Variants in C1QTNF3 observed in about 807,000 individuals in gnomAD.
C1QTNF3 encodes complement C1q tumor necrosis factor-related protein 3.
C1QTNF3 carries 26 observed loss-of-function variants against 32.6 expected under a neutral mutation model. The ratio of observed to expected loss-of-function variants is 0.80; its 90% CI spans 0.58 to 1.11. C1QTNF3 has a LOEUF of 1.11. C1QTNF3 is among the 50% of genes least tolerant of loss of function. C1QTNF3 has a pLI of 0.00. For synonymous variants in C1QTNF3, 155 were observed against 146.0 expected (o/e 1.06, Z -0.44); for missense variants, 362 against 398.2 (o/e 0.91, Z 0.77).
At chr5:34,163,079 A>G in the C1QTNF3 span, among the ~76,000 whole-genome samples, 2 of 152,140 alleles carry the variant, frequency 1.3e-5, no homozygotes, top group African/African-American at 2.4e-5. Flanking sequence ...AAAAAATATA[A>G]CTTCTGTACA....
At chr5:34,227,663 G>A in the C1QTNF3 span, among the ~76,000 whole-genome samples, 1 of 151,846 alleles carries the variant, frequency 6.6e-6, no homozygotes, top group Non-Finnish European at 1.5e-5. Flanking sequence ...ATTTAAGAGA[G>A]GATTCAACTC....
At chr5:34,050,906 T>C in the C1QTNF3 span, among the ~76,000 whole-genome samples, 1 of 152,228 alleles carries the variant, frequency 6.6e-6, no homozygotes, top group Admixed American at 6.5e-5. Flanking sequence ...ATGGAACACC[T>C]TGTAACAGAG....
chr5:34,220,542 C>A, the C1QTNF3 span, among the ~76,000 whole-genome samples: 1 of 151,936 alleles, frequency 6.6e-6, no homozygotes, highest in Non-Finnish European at 1.5e-5. Context: ...AGCACACACA[C>A]ACACACGACT....
chr5:34,117,285 G>T, the C1QTNF3 span, among the ~76,000 whole-genome samples: 17 of 152,040 alleles, frequency 1.1e-4, no homozygotes, highest in Non-Finnish European at 2.1e-4. Flanking sequence ...TTTTCTTAGT[G>T]ATGGTTTCAG....
chr5:34,068,439 T>C, the C1QTNF3 span, among the ~76,000 whole-genome samples: 9 of 152,070 alleles, frequency 5.9e-5, no homozygotes, highest in African/African-American at 2.2e-4. Flanking sequence ...ATAAAATCAA[T>C]TGATCCTCAT....
chr5:34,042,263 C>A lies in C1QTNF3; in HGVS notation c.303+560G>T, dbSNP rs547114320. Among the ~76,000 whole-genome samples, 3 of 151,810 alleles carry A rather than the reference C, an allele frequency of 2.0e-5. No individual in the cohort carries two copies. The East Asian group carries it at 5.8e-4, about 29-fold the overall frequency. ...TTATTTTTTATTTAACTCTTTAATTCTTTTTAAAACAGGCTGAACAGAGAG... is the reference window on the plus strand; with the variant it reads ...TTATTTTTTATTTAACTCTTTAATTATTTTTAAAACAGGCTGAACAGAGAG... On this transcript the variant is annotated intron_variant, in intron 1 of 5. Coordinates refer to ENST00000382065, the MANE Select transcript of C1QTNF3 (RefSeq NM_181435.6).
At chr5:34,174,074 T>C in the C1QTNF3 span, among the ~76,000 whole-genome samples, 3 of 152,344 alleles carry the variant, frequency 2.0e-5, no homozygotes, top group Admixed American at 6.5e-5. Context: ...AAAACATATC[T>C]TGAGCCACCA....
At chr5:34,187,907 T>G in the C1QTNF3 span, among the ~76,000 whole-genome samples, 1 of 152,298 alleles carries the variant, frequency 6.6e-6, no homozygotes, top group African/African-American at 2.4e-5. Flanking sequence ...GGCAAATGTC[T>G]CCAGGGCATG....
chr5:34,201,772 C>T, the C1QTNF3 span, among the ~76,000 whole-genome samples: 1 of 152,044 alleles, frequency 6.6e-6, no homozygotes, highest in African/African-American at 2.4e-5. Flanking sequence ...AAATAAAAAC[C>T]GCAATAGGTA....
chr5:34,242,003 A>AGGAAGGAAGGAAGGAG, the C1QTNF3 span, among the ~76,000 whole-genome samples: 1 of 149,112 alleles, frequency 6.7e-6, no homozygotes, highest in Non-Finnish European at 1.5e-5. Flanking sequence ...GAAGGAAGGA[A>AGGAAGGAAGGAAGGAG]GGAAATTTTG....
chr5:34,193,799 A>T, the C1QTNF3 span: 15 of 455,310 alleles, frequency 3.3e-5, no homozygotes, highest in African/African-American at 2.7e-4. Context: ...CAAATATAGG[A>T]AACATAAATA....
the C1QTNF3 span, among the ~76,000 whole-genome samples, chr5:34,056,479 T>TAG: frequency 7.8e-3 from 402 of 51,762 alleles, 4 homozygotes; most frequent in South Asian, 0.012. Context: ...TATATATATA[T>TAG]AGAGAGAGAG....
At chr5:34,085,839 T>C in the C1QTNF3 span, among the ~76,000 whole-genome samples, 3 of 151,822 alleles carry the variant, frequency 2.0e-5, no homozygotes, top group East Asian at 5.8e-4. Flanking sequence ...ACACTGTTGG[T>C]GGGAGTGTAA....
At chr5:34,161,327 TA>T in the C1QTNF3 span, among the ~76,000 whole-genome samples, 1 of 151,954 alleles carries the variant, frequency 6.6e-6, no homozygotes, top group African/African-American at 2.4e-5. Flanking sequence ...AACATAAAAA[TA>T]AAAAGGTTTA....
the C1QTNF3 span, among the ~76,000 whole-genome samples, chr5:34,170,443 A>G: frequency 1.3e-5 from 2 of 152,286 alleles, no homozygotes; most frequent in African/African-American, 4.8e-5. Flanking sequence ...CACCACACAC[A>G]TACACACATA....
intron 3 of C1QTNF3, among the ~76,000 whole-genome samples, chr5:34,029,520 G>A (rs571943497): frequency 5.3e-4 from 81 of 152,186 alleles, no homozygotes; most frequent in Non-Finnish European, 9.7e-4. Flanking sequence ...CTGTATAAAA[G>A]GAGAAAATAT....
the C1QTNF3 span, among the ~76,000 whole-genome samples, chr5:34,198,207 A>T: frequency 6.9e-6 from 1 of 145,338 alleles, no homozygotes; most frequent in Non-Finnish European, 1.5e-5. Flanking sequence ...GCACCACTGC[A>T]CTCCAGCCTG....
At position 34,019,668 on chromosome 5, in the gene C1QTNF3, A is replaced by C. The variant is rs1367197515; in HGVS notation, c.*915T>G. The C allele has an allele frequency of 6.6e-6, 1 of 152,254 alleles. No homozygotes were observed. Among genetic ancestry groups the C allele is most frequent in the Non-Finnish European group, 1.5e-5 (1 of 68,048 alleles). 9.4% of individuals were successfully genotyped at this position (152,254 alleles called of 1,614,324 possible). A position where few individuals can be genotyped will look rare whatever the true frequency, so the allele number is the denominator to read the frequency against. Reference sequence around the variant, plus strand: ...AGTGATTTACAATTCTATGACTATTAAAGTTTATTAAACACAAGTTTAGAA... The same window carrying C: ...AGTGATTTACAATTCTATGACTATTCAAGTTTATTAAACACAAGTTTAGAA... On this transcript the variant is annotated 3_prime_UTR_variant, in exon 6 of 6. Transcript: ENST00000382065.
chr5:34,240,509 T>C, the C1QTNF3 span, among the ~76,000 whole-genome samples: 1 of 150,962 alleles, frequency 6.6e-6, no homozygotes, highest in Non-Finnish European at 1.5e-5. Context: ...ACACAAAAAT[T>C]AGAAAATCTA....
Sources: gnomAD v4.1 joint callset for allele counts (sites outside exome capture counted in the v4.1 genomes callset) on GRCh38, gnomAD v4.1.1 for gene constraint, MANE v1.5 for transcripts, NCBI Gene and HGNC (gene_info 2026-07-23, HGNC 2026-07-21) for gene names.